The following WWP1 variants were observed in gnomAD, a reference collection of about 807,000 sequenced individuals.
WWP1 encodes NEDD4-like E3 ubiquitin-protein ligase WWP1.
WWP1 carries 49 observed loss-of-function variants against 130.6 expected under a neutral mutation model. The ratio of observed to expected loss-of-function variants is 0.38; its 90% CI spans 0.30 to 0.48. The LOEUF (loss-of-function observed/expected upper bound fraction) is 0.48, where lower values mean the gene tolerates loss of function less well. WWP1 is among the 20% of genes least tolerant of loss of function. The pLI is 0.99. For synonymous variants in WWP1, 332 were observed against 367.8 expected (o/e 0.90, Z 1.11); for missense variants, 809 against 1,100.6 (o/e 0.74, Z 3.75).
At chr8:86,442,867 A>G in intron 18 of WWP1, 89 bp downstream of exon 18, 1 of 1,341,096 alleles carries the variant, frequency 7.5e-7, no homozygotes, top group Non-Finnish European at 1.0e-6. Context: ...GATAAGCATT[A>G]TATTTGCTAT....
chr8:86,424,845 G>A (rs1367063107), intron 9 of WWP1, among the ~76,000 whole-genome samples: 1 of 78,000 alleles, frequency 1.3e-5, no homozygotes, highest in African/African-American at 5.6e-5. Context: ...AGGGGGAGGG[G>A]AGGGGAGGGG....
intron 23 of WWP1, chr8:86,461,572 G>C: frequency 1.6e-6 from 1 of 631,272 alleles, no homozygotes; most frequent in Non-Finnish European, 2.8e-6. Flanking sequence ...ATTCTGTAGA[G>C]AGAGTTTTCT....
chr8:86,454,824 C>G (rs949433916), intron 21 of WWP1, among the ~76,000 whole-genome samples: 1 of 152,044 alleles, frequency 6.6e-6, no homozygotes, highest in Admixed American at 6.6e-5. Flanking sequence ...TGATACCTTT[C>G]TTTTACATAT....
intron 1 of WWP1, among the ~76,000 whole-genome samples, chr8:86,353,526 T>C (rs1019587907): frequency 2.0e-5 from 3 of 152,086 alleles, no homozygotes; most frequent in Non-Finnish European, 4.4e-5. Context: ...GGAGTCTCAC[T>C]CTGTTGCCCA....
chr8:86,371,737 G>GT (rs888881540), intron 2 of WWP1, among the ~76,000 whole-genome samples: 1 of 152,080 alleles, frequency 6.6e-6, no homozygotes, highest in Non-Finnish European at 1.5e-5. Context: ...TCTTTAATTA[G>GT]TTTTTTGTTT....
chr8:86,394,965 TGAG>T (rs1807575040), intron 5 of WWP1, among the ~76,000 whole-genome samples: 1 of 116,366 alleles, frequency 8.6e-6, no homozygotes, highest in Non-Finnish European at 1.8e-5. Flanking sequence ...AGCCAGGAGA[TGAG>T]GGGGTTGGGG....
At chr8:86,423,938 G>T (rs1809410081) in intron 9 of WWP1, among the ~76,000 whole-genome samples, 1 of 130,214 alleles carries the variant, frequency 7.7e-6, no homozygotes, top group Non-Finnish European at 1.6e-5. Flanking sequence ...GGCTGGCCGG[G>T]CGGGGGCTGC....
intron 1 of WWP1, among the ~76,000 whole-genome samples, chr8:86,353,081 T>C (rs1294712635): frequency 6.6e-6 from 1 of 152,200 alleles, no homozygotes; most frequent in Non-Finnish European, 1.5e-5. Context: ...GTCTTTTGAC[T>C]AGAAAGTAGG....
chr8:86,352,239 T>C (rs972972501), intron 1 of WWP1, among the ~76,000 whole-genome samples: 6 of 140,690 alleles, frequency 4.3e-5, no homozygotes, highest in African/African-American at 1.5e-4. Context: ...TTTATTTATT[T>C]ATTTTAAGAC....
At chr8:86,376,725 G>A (rs2130334599) in intron 3 of WWP1, among the ~76,000 whole-genome samples, 1 of 152,320 alleles carries the variant, frequency 6.6e-6, no homozygotes, top group Middle Eastern at 3.4e-3. Context: ...CCAAAACAAT[G>A]CCATGACAGT....
chr8:86,394,108 A>G (rs1288752685), intron 5 of WWP1, among the ~76,000 whole-genome samples: 1 of 152,256 alleles, frequency 6.6e-6, no homozygotes, highest in Non-Finnish European at 1.5e-5. Context: ...AAGTTTCAGA[A>G]TAATTTGTTA....
chr8:86,377,416 A>T (rs957195230), intron 3 of WWP1, among the ~76,000 whole-genome samples: 10 of 151,992 alleles, frequency 6.6e-5, no homozygotes, highest in Non-Finnish European at 1.3e-4. Context: ...CTTTTTAAAA[A>T]CAGTAAGTAC....
intron 8 of WWP1, 70 bp downstream of exon 8, chr8:86,402,273 T>C: frequency 6.7e-7 from 1 of 1,500,720 alleles, no homozygotes; most frequent in Non-Finnish European, 9.0e-7. Context: ...CATCCATGCC[T>C]ACACTTCCCT....
intron 22 of WWP1, among the ~76,000 whole-genome samples, chr8:86,460,470 A>C (rs950295492): frequency 6.6e-6 from 1 of 152,144 alleles, no homozygotes; most frequent in African/African-American, 2.4e-5. Flanking sequence ...TAATGATTCT[A>C]CCTATCTCAT....
intron 1 of WWP1, among the ~76,000 whole-genome samples, chr8:86,353,176 T>G (rs2130126698): frequency 6.6e-6 from 1 of 152,138 alleles, no homozygotes; most frequent in Non-Finnish European, 1.5e-5. Flanking sequence ...TGAGAAAAGG[T>G]TTGAATTTTA....
intron 9 of WWP1, 96 bp downstream of exon 9, chr8:86,411,970 G>C (rs1808613073): frequency 8.2e-7 from 1 of 1,212,892 alleles, no homozygotes; most frequent in Non-Finnish European, 1.1e-6. Context: ...TCATTGTTCA[G>C]AACTTTGAAA....
At position 86,466,966 on chromosome 8, in the gene WWP1, T is replaced by C. The variant is rs892986874; in HGVS notation, c.*73T>C. 16 of 1,082,516 alleles carry C rather than the reference T, an allele frequency of 1.5e-5. No individual in the cohort carries two copies. In the Admixed American group the frequency reaches 2.1e-4, roughly 14 times the overall value. 67.1% of individuals were successfully genotyped at this position (1,082,516 alleles called of 1,614,324 possible). A position where few individuals can be genotyped will look rare whatever the true frequency, so the allele number is the denominator to read the frequency against. On this transcript the variant is annotated 3_prime_UTR_variant, in exon 25 of 25. Coordinates refer to ENST00000517970, the MANE Select transcript of WWP1 (RefSeq NM_007013.4). ...CAAGAAAAATTGCACAGATAGTGTATATAAGCTGTTCATTCTGTACAGTGA... is the reference window on the plus strand; with the variant it reads ...CAAGAAAAATTGCACAGATAGTGTACATAAGCTGTTCATTCTGTACAGTGA...
chr8:86,350,756 A>G (rs1822875709), intron 1 of WWP1, among the ~76,000 whole-genome samples: 1 of 152,172 alleles, frequency 6.6e-6, no homozygotes, highest in Non-Finnish European at 1.5e-5. Flanking sequence ...TGTTCAGTAT[A>G]CTCATAAATC....
At chr8:86,399,000 T>C (rs1807828197) in intron 7 of WWP1, among the ~76,000 whole-genome samples, 1 of 152,190 alleles carries the variant, frequency 6.6e-6, no homozygotes, top group South Asian at 2.1e-4. Context: ...GAATCTACTT[T>C]TTCTGTGTCT....
Sources: gnomAD v4.1 joint callset for allele counts (sites outside exome capture counted in the v4.1 genomes callset) on GRCh38, gnomAD v4.1.1 for gene constraint, MANE v1.5 for transcripts, NCBI Gene and HGNC (gene_info 2026-07-23, HGNC 2026-07-21) for gene names.